The following LDLRAD4 variants were observed in gnomAD, a reference collection of about 807,000 sequenced individuals.
LDLRAD4 encodes the protein low-density lipoprotein receptor class A domain-containing protein 4.
LDLRAD4 carries 5 observed loss-of-function variants against 17.0 expected under a neutral mutation model. The observed-to-expected ratio is 0.29, with a 90% CI of 0.15 to 0.62. The LOEUF is 0.62. LDLRAD4 is among the 20% of genes least tolerant of loss of function. LDLRAD4 has a pLI of 0.84. For missense variants in LDLRAD4, 340 were observed against 424.7 expected (o/e 0.80, Z 1.75); for synonymous variants, 168 against 171.8 (o/e 0.98, Z 0.17).
chr18:13,335,940 A>G (rs1277681449), intron 1 of LDLRAD4, among the ~76,000 whole-genome samples: 1 of 152,132 alleles, frequency 6.6e-6, no homozygotes, highest in African/African-American at 2.4e-5. Context: ...GTAATTTACA[A>G]AGAGGTTTAT....
intron 1 of LDLRAD4, among the ~76,000 whole-genome samples, chr18:13,231,135 G>A (rs1339865675): frequency 6.6e-6 from 1 of 152,188 alleles, no homozygotes; most frequent in Non-Finnish European, 1.5e-5. Flanking sequence ...TGGAATGCGC[G>A]CCACGGGCAG....
intron 2 of LDLRAD4, among the ~76,000 whole-genome samples, chr18:13,404,839 T>C (rs1026766216): frequency 3.3e-5 from 5 of 151,424 alleles, no homozygotes; most frequent in Non-Finnish European, 7.4e-5. Context: ...AAAAAGTAAC[T>C]GTACAAATTC....
At chr18:13,220,028 G>A (rs2041364151) in intron 1 of LDLRAD4, among the ~76,000 whole-genome samples, 1 of 152,206 alleles carries the variant, frequency 6.6e-6, no homozygotes, top group Non-Finnish European at 1.5e-5. Context: ...ATAGACAAAT[G>A]AGGATGTCTG....
intron 1 of LDLRAD4, among the ~76,000 whole-genome samples, chr18:13,347,457 G>A (rs2082759350): frequency 6.6e-6 from 1 of 152,170 alleles, no homozygotes; most frequent in Non-Finnish European, 1.5e-5. Context: ...AGTCTGATGG[G>A]CTTCCCTTTG....
At chr18:13,287,472 G>GT (rs545005142) in intron 1 of LDLRAD4, among the ~76,000 whole-genome samples, 147 of 152,306 alleles carry the variant, frequency 9.7e-4, no homozygotes, top group African/African-American at 3.2e-3. Flanking sequence ...CTCTTGAGTT[G>GT]TATCTGATAA....
At chr18:13,512,440 A>G (rs1183048519) in intron 3 of LDLRAD4, among the ~76,000 whole-genome samples, 1 of 152,224 alleles carries the variant, frequency 6.6e-6, no homozygotes, top group Non-Finnish European at 1.5e-5. Flanking sequence ...CTGGAGTGGA[A>G]AAGGTTGTGT....
At chr18:13,477,916 C>T (rs185039728) in intron 3 of LDLRAD4, among the ~76,000 whole-genome samples, 3 of 152,146 alleles carry the variant, frequency 2.0e-5, no homozygotes, top group African/African-American at 2.4e-5. Context: ...GCGGCTTTTC[C>T]GTGGTCCCGG....
At chr18:13,451,202 T>TAG (rs2091813089) in intron 3 of LDLRAD4, among the ~76,000 whole-genome samples, 1 of 152,174 alleles carries the variant, frequency 6.6e-6, no homozygotes, top group Non-Finnish European at 1.5e-5. Context: ...CCAAATACCA[T>TAG]AGACTGTGAT....
chr18:13,288,899 T>A (rs1212115646), intron 1 of LDLRAD4, among the ~76,000 whole-genome samples: 1 of 152,242 alleles, frequency 6.6e-6, no homozygotes. Context: ...CCTCCTGATA[T>A]GACTGTCCTA....
chr18:13,628,370 C>T (rs770674640), intron 4 of LDLRAD4, among the ~76,000 whole-genome samples: 19 of 152,204 alleles, frequency 1.2e-4, no homozygotes, highest in Non-Finnish European at 2.4e-4. Flanking sequence ...GCAAGGCAGA[C>T]CCTGCTGCAC....
intron 1 of LDLRAD4, among the ~76,000 whole-genome samples, chr18:13,349,491 G>A (rs1307317222): frequency 4.6e-5 from 7 of 152,078 alleles, no homozygotes; most frequent in Non-Finnish European, 7.4e-5. Flanking sequence ...GTATTTCCAC[G>A]AGGCTCCAAG....
intron 1 of LDLRAD4, among the ~76,000 whole-genome samples, chr18:13,284,272 C>T (rs1160182257): frequency 6.6e-6 from 1 of 152,122 alleles, no homozygotes; most frequent in Non-Finnish European, 1.5e-5. Context: ...AGAAACTTAC[C>T]ACCTCTGCCA....
chr18:13,548,392 G>T (rs2094394639), intron 3 of LDLRAD4, among the ~76,000 whole-genome samples: 1 of 152,198 alleles, frequency 6.6e-6, no homozygotes, highest in African/African-American at 2.4e-5. Flanking sequence ...AGGGGTGCCT[G>T]CAAGCCCAGG....
intron 3 of LDLRAD4, among the ~76,000 whole-genome samples, chr18:13,517,580 C>T (rs1186549488): frequency 1.3e-5 from 2 of 152,174 alleles, no homozygotes; most frequent in Admixed American, 6.5e-5. Flanking sequence ...GCCTGGCTTC[C>T]ACACAAGCAG....
At chr18:13,315,192 C>G (rs1174003240) in intron 1 of LDLRAD4, among the ~76,000 whole-genome samples, 1 of 152,214 alleles carries the variant, frequency 6.6e-6, no homozygotes, top group African/African-American at 2.4e-5. Context: ...TGAACCCACT[C>G]AGTTCAGAGA....
chr18:13,384,698 C>CT (rs2085658103), intron 1 of LDLRAD4, among the ~76,000 whole-genome samples: 3 of 152,116 alleles, frequency 2.0e-5, no homozygotes, highest in South Asian at 2.1e-4. Flanking sequence ...TTTCATTTGG[C>CT]TTAATGTCCA....
chr18:13,270,457 G>A (rs541931148), intron 1 of LDLRAD4, among the ~76,000 whole-genome samples: 1 of 152,330 alleles, frequency 6.6e-6, no homozygotes, highest in African/African-American at 2.4e-5. Context: ...AGAGGGCAAA[G>A]TATGCTCGTT....
At chr18:13,296,751 G>A (rs2046302341) in intron 1 of LDLRAD4, among the ~76,000 whole-genome samples, 1 of 152,150 alleles carries the variant, frequency 6.6e-6, no homozygotes, top group African/African-American at 2.4e-5. Context: ...ACAAAGAAAA[G>A]AGCAGAAGCC....
At chr18:13,459,934 A>C (rs996213236) in intron 3 of LDLRAD4, 6 of 153,914 alleles carry the variant, frequency 3.9e-5, no homozygotes, top group Non-Finnish European at 5.9e-5. Flanking sequence ...GCATACCCTA[A>C]GTTTCCGCTC....
Sources: gnomAD v4.1 joint callset for allele counts (sites outside exome capture counted in the v4.1 genomes callset) on GRCh38, gnomAD v4.1.1 for gene constraint, MANE v1.5 for transcripts, NCBI Gene and HGNC (gene_info 2026-07-23, HGNC 2026-07-21) for gene names.